Variants in MYH10 observed in about 807,000 individuals in gnomAD.
MYH10 encodes myosin-10.
MYH10 carries 55 observed loss-of-function variants against 257.8 expected under a neutral mutation model. The observed-to-expected ratio is 0.21, with a 90% CI of 0.17 to 0.27. MYH10 has a LOEUF of 0.27. MYH10 is among the 10% of genes least tolerant of loss of function. MYH10 has a pLI of 1.00. For synonymous variants in MYH10, 854 were observed against 921.7 expected (o/e 0.93, Z 1.33); for missense variants, 1,631 against 2,500.6 (o/e 0.65, Z 7.42).
rs759416697 is a variant in MYH10, at chr17:8,546,570, C to CA, written c.1251dup (p.Val418CysfsTer23). 6.2e-7 allele frequency: 1 copy of CA among 1,614,000 alleles called. No individual in the cohort carries two copies. Among genetic ancestry groups the CA allele is most frequent in the Non-Finnish European group, 8.5e-7 (1 of 1,179,946 alleles). On this transcript the variant is annotated frameshift_variant, in exon 12 of 43. Coordinates refer to ENST00000360416, the MANE Select transcript of MYH10 (RefSeq NM_001256012.3). LOFTEE classifies it high-confidence loss of function. Reference sequence around the variant, plus strand: ...TGTTCTTTGGTCTGGGCTTTTTGCACATAGTCTCGGCCGACCTTGATCCGG... The same window carrying CA: ...TGTTCTTTGGTCTGGGCTTTTTGCACAATAGTCTCGGCCGACCTTGATCCGG...
At chr17:8,587,084 G>A (rs751200294) in intron 4 of MYH10, among the ~76,000 whole-genome samples, 6 of 152,124 alleles carry the variant, frequency 3.9e-5, no homozygotes, top group Non-Finnish European at 5.9e-5. Context: ...CTGCTACCAC[G>A]TTAAAAGCCA....
At chr17:8,554,086 C>T (rs2082717201) in intron 7 of MYH10, 68 bp from the exon 8 acceptor site, 3 of 1,070,992 alleles carry the variant, frequency 2.8e-6, no homozygotes, top group South Asian at 1.3e-5. Flanking sequence ...CACTAATAAA[C>T]TAAGAAGACA....
rs570767566 is a variant in MYH10, at chr17:8,585,935, G to A, written c.530+3146C>T. Among the ~76,000 whole-genome samples, 6 of 152,298 alleles carry A rather than the reference G, an allele frequency of 3.9e-5. No individual in the cohort carries two copies. The East Asian group carries it at 1.2e-3, about 29-fold the overall frequency. On this transcript the variant is annotated intron_variant, in intron 4 of 42. Coordinates refer to ENST00000360416, the MANE Select transcript of MYH10 (RefSeq NM_001256012.3). ...GTCTATCTACAATTGAACTTGAAAT[G>A]CATCAAATGAAGGGATTAATAGCCC...
At chr17:8,514,329 C>T (rs1370161595) in intron 21 of MYH10, among the ~76,000 whole-genome samples, 1 of 152,150 alleles carries the variant, frequency 6.6e-6, no homozygotes, top group Non-Finnish European at 1.5e-5. Context: ...AACATTTCTC[C>T]CCAACCCCCA....
At chr17:8,620,996 G>A (rs1026102155) in intron 2 of MYH10, among the ~76,000 whole-genome samples, 41 of 152,274 alleles carry the variant, frequency 2.7e-4, no homozygotes, top group African/African-American at 9.4e-4. Flanking sequence ...TCTGAATTAT[G>A]TGGAATGGCT....
At chr17:8,523,132 G>C (rs533491824) in intron 17 of MYH10, among the ~76,000 whole-genome samples, 5 of 152,210 alleles carry the variant, frequency 3.3e-5, no homozygotes, top group African/African-American at 1.2e-4. Flanking sequence ...CAACCCAGGT[G>C]ATCTCAGCTA....
chr17:8,524,034 G>A (rs536402237), intron 17 of MYH10, among the ~76,000 whole-genome samples: 3 of 152,140 alleles, frequency 2.0e-5, no homozygotes, highest in Non-Finnish European at 4.4e-5. Flanking sequence ...AGGAAGAGAG[G>A]TTGGAACTAG....
rs569249503 is a variant in MYH10, at chr17:8,602,010, C to A, written c.502+2816G>T. Among the ~76,000 whole-genome samples, 19 of 130,762 alleles carry A rather than the reference C, an allele frequency of 1.5e-4. No homozygotes were observed. In the South Asian group the frequency reaches 4.0e-3, roughly 27 times the overall value. 85.8% of individuals were successfully genotyped at this position (130,762 alleles called of 152,430 possible). On this transcript the variant is annotated intron_variant, in intron 3 of 42. Coordinates refer to ENST00000360416, the MANE Select transcript of MYH10 (RefSeq NM_001256012.3). ...TTTTTTTTTGAGACGGAGTCTCGTT[C>A]TTTCGCCCAGGCCGGACCACAGTGT...
At chr17:8,476,104 G>A (rs1912554514) in intron 42 of MYH10, among the ~76,000 whole-genome samples, 156 bp from the exon 43 acceptor site, 3 of 152,226 alleles carry the variant, frequency 2.0e-5, no homozygotes, top group South Asian at 2.1e-4. Context: ...GAAGGACTGC[G>A]TGCTTTTCTG....
At chr17:8,596,176 A>G (rs1220065276) in intron 3 of MYH10, among the ~76,000 whole-genome samples, 12 of 143,080 alleles carry the variant, frequency 8.4e-5, no homozygotes, top group Non-Finnish European at 1.7e-4. Flanking sequence ...TTTTTGAGAC[A>G]GAGTCTCACT....
At position 8,548,359 on chromosome 17, in the gene MYH10, G is replaced by A. The variant is rs780914873; in HGVS notation, c.1113C>T (p.Phe371=). ...SSVLQFGNIS[F]KKERNTDQAS... ...CTTGATCAGTATTTCTCTCCTTTTTGAAAGAAATATTTCCAAACTGTAGCA... is the reference window on the plus strand; with the variant it reads ...CTTGATCAGTATTTCTCTCCTTTTTAAAAGAAATATTTCCAAACTGTAGCA... Residue 371 remains phenylalanine (F), a synonymous_variant, in exon 11 of 43, where the codon TTC becomes TTT. Transcript: ENST00000360416. 6 of 1,612,456 alleles carry A rather than the reference G, an allele frequency of 3.7e-6. No homozygotes were observed. Among genetic ancestry groups the A allele is most frequent in the Non-Finnish European group, 5.1e-6 (6 of 1,179,346 alleles).
At chr17:8,615,277 CAA>C (rs562266380) in intron 2 of MYH10, among the ~76,000 whole-genome samples, 3 of 140,986 alleles carry the variant, frequency 2.1e-5, no homozygotes. Flanking sequence ...GAACCTATCT[CAA>C]AAAAAAAAAG....
chr17:8,513,489 C>T, intron 23 of MYH10, 49 bp downstream of exon 23: 1 of 1,608,224 alleles, frequency 6.2e-7, no homozygotes, highest in Non-Finnish European at 8.5e-7. Context: ...AGTGCAAGAT[C>T]TCATAGGGAT....
intron 2 of MYH10, among the ~76,000 whole-genome samples, chr17:8,612,094 G>A (rs891630616): frequency 2.6e-5 from 4 of 152,176 alleles, no homozygotes; most frequent in East Asian, 1.9e-4. Flanking sequence ...CCGCTCCATC[G>A]TGCACAGACC....
chr17:8,582,753 A>T (rs2083756330), intron 4 of MYH10, among the ~76,000 whole-genome samples: 2 of 152,270 alleles, frequency 1.3e-5, no homozygotes, highest in African/African-American at 4.8e-5. Flanking sequence ...GATCATTAAT[A>T]CGTGACCAAT....
intron 36 of MYH10, among the ~76,000 whole-genome samples, chr17:8,484,776 C>A (rs959977766): frequency 6.6e-6 from 1 of 152,182 alleles, no homozygotes; most frequent in Middle Eastern, 3.2e-3. Flanking sequence ...AAATGCTCAA[C>A]AAGCTATGAA....
At chr17:8,622,150 C>CA (rs1177437149) in intron 2 of MYH10, among the ~76,000 whole-genome samples, 3 of 152,208 alleles carry the variant, frequency 2.0e-5, no homozygotes, top group South Asian at 4.1e-4. Flanking sequence ...CCTTCATCGT[C>CA]AGTTTAAGTC....
At chr17:8,530,872 A>C (rs1190403104) in intron 16 of MYH10, among the ~76,000 whole-genome samples, 187 bp from the exon 17 acceptor site, 2 of 152,226 alleles carry the variant, frequency 1.3e-5, no homozygotes, top group Non-Finnish European at 2.9e-5. Flanking sequence ...TTCTTTATAA[A>C]ATAGATTAAT....
Position 8,493,002 on chromosome 17 carries a change from A to C in MYH10, c.4232T>G (p.Val1411Gly). Residue 1411 changes from valine to glycine, a missense_variant, in exon 33 of 43, where the codon GTA becomes GGA. Transcript: ENST00000360416. ...QSQLADTKKK[V>G]DDDLGTIESL... ...TTCAATTGTTCCCAGGTCGTCATCT[A>C]CTTTCTTCTTGGTATCAGCCAACTA... is the stretch of plus-strand genomic sequence containing the variant. The C allele has an allele frequency of 6.2e-7, 1 of 1,613,478 alleles. No individual in the cohort carries two copies.
Sources: allele counts gnomAD v4.1 joint callset (sites outside exome capture counted in the v4.1 genomes callset), GRCh38; gene constraint gnomAD v4.1.1; transcripts MANE v1.5; gene names NCBI Gene and HGNC (gene_info 2026-07-23, HGNC 2026-07-21).